Variants in SCHIP1 observed in about 807,000 individuals in gnomAD.
The protein encoded by SCHIP1 is schwannomin-interacting protein 1.
Under a neutral mutation model 29.7 loss-of-function variants are expected in SCHIP1, and 8 were observed. The ratio of observed to expected loss-of-function variants is 0.27; its 90% CI spans 0.16 to 0.49. The LOEUF (loss-of-function observed/expected upper bound fraction) is 0.49, where lower values mean the gene tolerates loss of function less well. SCHIP1 is among the 20% of genes least tolerant of loss of function. SCHIP1 has a pLI of 0.99. For missense variants in SCHIP1, 193 were observed against 294.6 expected (o/e 0.66, Z 2.52); for synonymous variants, 76 against 94.9 (o/e 0.80, Z 1.16).
At chr3:159,600,532 ACT>A in the SCHIP1 span, among the ~76,000 whole-genome samples, 1 of 151,564 alleles carries the variant, frequency 6.6e-6, no homozygotes, top group Non-Finnish European at 1.5e-5. Flanking sequence ...AGTTCTAAAA[ACT>A]CTGGTTTATT....
chr3:159,713,794 G>A, the SCHIP1 span, among the ~76,000 whole-genome samples: 3 of 152,292 alleles, frequency 2.0e-5, no homozygotes, highest in East Asian at 3.9e-4. Context: ...TCTCCAAAAT[G>A]GATAGCTCAT....
At chr3:159,307,338 C>T in the SCHIP1 span, among the ~76,000 whole-genome samples, 890 of 152,246 alleles carry the variant, frequency 5.8e-3, 12 homozygotes, top group African/African-American at 0.02. Flanking sequence ...TCTCATTCTC[C>T]CCTTTAAAAT....
At chr3:159,761,981 T>A in the SCHIP1 span, among the ~76,000 whole-genome samples, 1 of 152,172 alleles carries the variant, frequency 6.6e-6, no homozygotes, top group Admixed American at 6.5e-5. Flanking sequence ...TGTCTACCTG[T>A]GTCCTGCCAC....
the SCHIP1 span, among the ~76,000 whole-genome samples, chr3:159,406,347 A>G: frequency 1.2e-4 from 18 of 152,304 alleles, no homozygotes; most frequent in Admixed American, 1.0e-3. Flanking sequence ...AACAACAACA[A>G]CAACAAAAAC....
chr3:159,418,810 A>AG, the SCHIP1 span, among the ~76,000 whole-genome samples: 1 of 12,756 alleles, frequency 7.8e-5, no homozygotes, highest in Non-Finnish European at 1.5e-4. Context: ...AACAGATGGC[A>AG]GAATCAGTAA....
chr3:159,462,480 T>G, the SCHIP1 span, among the ~76,000 whole-genome samples: 3 of 152,252 alleles, frequency 2.0e-5, no homozygotes, highest in East Asian at 5.8e-4. Context: ...TTACCATCAC[T>G]CTTGTCAAGT....
At chr3:159,522,999 G>A in the SCHIP1 span, among the ~76,000 whole-genome samples, 3,848 of 152,150 alleles carry the variant, frequency 0.025, 173 homozygotes, top group African/African-American at 0.089. Context: ...GAGTAATAAA[G>A]GAACTTCCAT....
chr3:159,749,759 A>G, the SCHIP1 span, among the ~76,000 whole-genome samples: 1 of 152,212 alleles, frequency 6.6e-6, no homozygotes, highest in Non-Finnish European at 1.5e-5. Context: ...GTAATTGAAA[A>G]GATAAATTGA....
the SCHIP1 span, among the ~76,000 whole-genome samples, chr3:159,388,970 C>T: frequency 2.0e-5 from 3 of 151,960 alleles, no homozygotes; most frequent in Non-Finnish European, 4.4e-5. Context: ...TTTACAAGCT[C>T]AGGCTAGGAA....
At chr3:159,698,107 G>C in the SCHIP1 span, among the ~76,000 whole-genome samples, 2 of 152,152 alleles carry the variant, frequency 1.3e-5, no homozygotes, top group East Asian at 1.9e-4. Context: ...TTATATGTGG[G>C]GAGGCAACAA....
chr3:159,624,499 G>T, the SCHIP1 span, among the ~76,000 whole-genome samples: 54 of 152,156 alleles, frequency 3.5e-4, no homozygotes, highest in Non-Finnish European at 6.5e-4. Context: ...GAAATGCAGG[G>T]TAATTAGGGA....
chr3:159,567,492 T>G, the SCHIP1 span, among the ~76,000 whole-genome samples: 6 of 152,184 alleles, frequency 3.9e-5, no homozygotes, highest in Non-Finnish European at 8.8e-5. Context: ...CCTGGAATGA[T>G]GTGAGACAGA....
the SCHIP1 span, among the ~76,000 whole-genome samples, chr3:159,715,509 G>T: frequency 3.3e-5 from 5 of 152,068 alleles, no homozygotes; most frequent in African/African-American, 1.2e-4. Context: ...CTTGAAAAAA[G>T]ATTGGACAAA....
At chr3:159,647,750 G>A in the SCHIP1 span, among the ~76,000 whole-genome samples, 1 of 152,158 alleles carries the variant, frequency 6.6e-6, no homozygotes, top group East Asian at 1.9e-4. Flanking sequence ...CTAGAAGCTT[G>A]TGTCTACTTG....
At chr3:159,512,031 G>T in the SCHIP1 span, among the ~76,000 whole-genome samples, 2 of 152,086 alleles carry the variant, frequency 1.3e-5, no homozygotes, top group African/African-American at 4.8e-5. Context: ...GGCTTCAAAA[G>T]CATCACTAGA....
At chr3:159,301,033 T>G in the SCHIP1 span, among the ~76,000 whole-genome samples, 6 of 152,228 alleles carry the variant, frequency 3.9e-5, no homozygotes, top group African/African-American at 1.4e-4. Flanking sequence ...TAATGTACTA[T>G]TATGTAGTAC....
the SCHIP1 span, among the ~76,000 whole-genome samples, chr3:159,551,276 C>T: frequency 6.6e-6 from 1 of 152,176 alleles, no homozygotes; most frequent in Admixed American, 6.5e-5. Flanking sequence ...CAGAATCCTG[C>T]TTTGACGAGG....
chr3:159,775,130 TC>T, the SCHIP1 span, among the ~76,000 whole-genome samples: 15 of 152,220 alleles, frequency 9.9e-5, no homozygotes, highest in Admixed American at 9.2e-4. Flanking sequence ...ATTCATCAAT[TC>T]AAGAGGGTTT....
chr3:159,396,038 C>G, the SCHIP1 span, among the ~76,000 whole-genome samples: 1 of 150,930 alleles, frequency 6.6e-6, no homozygotes, highest in South Asian at 2.1e-4. Flanking sequence ...GGATAGTTAG[C>G]TCTTCTTGTT....
Sources: gnomAD v4.1 joint callset for allele counts (sites outside exome capture counted in the v4.1 genomes callset) on GRCh38, gnomAD v4.1.1 for gene constraint, MANE v1.5 for transcripts, NCBI Gene and HGNC (gene_info 2026-07-23, HGNC 2026-07-21) for gene names.